Variants in PDE1A observed in about 807,000 individuals in gnomAD.
The protein encoded by PDE1A is phosphodiesterase 1A.
A neutral mutation model predicts 61.7 loss-of-function variants in PDE1A; 35 were observed. The observed-to-expected ratio is 0.57, with a 90% CI of 0.43 to 0.75. The LOEUF is 0.75. Ranked by LOEUF, PDE1A falls within the 30% of genes least tolerant of loss-of-function variation. PDE1A has a pLI of 0.00. For synonymous variants in PDE1A, 232 were observed against 213.2 expected, an observed-to-expected ratio of 1.09 and a Z score of -0.77; for missense variants, 597 against 630.6, an observed-to-expected ratio of 0.95 and a Z score of 0.57.
At chr2:182,405,417 T>C (rs1702246320) in intron 1 of PDE1A, among the ~76,000 whole-genome samples, 2 of 152,206 alleles carry the variant, frequency 1.3e-5, no homozygotes, top group Non-Finnish European at 2.9e-5. Flanking sequence ...CAATGCTAAG[T>C]TCTGAATAGG....
At chr2:182,451,378 C>CAAAAAAAAAAAAAAAA (rs1219608685) in intron 2 of PDE1A, among the ~76,000 whole-genome samples, 19 of 12,260 alleles carry the variant, frequency 1.5e-3, no homozygotes, top group African/African-American at 4.3e-3. Context: ...GACTCCGTCT[C>CAAAAAAAAAAAAAAAA]AAAAAAAAAA....
the PDE1A span, among the ~76,000 whole-genome samples, chr2:182,704,947 A>C: frequency 6.6e-6 from 1 of 152,220 alleles, no homozygotes; most frequent in African/African-American, 2.4e-5. Flanking sequence ...AGATATATAC[A>C]CGTTTGTCCT....
the PDE1A span, among the ~76,000 whole-genome samples, chr2:182,558,852 T>C: frequency 6.6e-6 from 1 of 152,204 alleles, no homozygotes; most frequent in Non-Finnish European, 1.5e-5. Context: ...GGGAAAGAAA[T>C]GTCTGCAGAT....
chr2:182,485,946 A>G (rs1314451304), intron 2 of PDE1A, among the ~76,000 whole-genome samples: 1 of 152,008 alleles, frequency 6.6e-6, no homozygotes, highest in Non-Finnish European at 1.5e-5. Flanking sequence ...TCAAACTGGA[A>G]GGTCTACCCA....
the PDE1A span, among the ~76,000 whole-genome samples, chr2:182,698,890 T>A: frequency 6.6e-6 from 1 of 152,220 alleles, no homozygotes; most frequent in Non-Finnish European, 1.5e-5. Context: ...TGATTTCATC[T>A]CTAAATGCAC....
intron 1 of PDE1A, among the ~76,000 whole-genome samples, chr2:182,383,254 C>T (rs1700836582): frequency 6.6e-6 from 1 of 152,184 alleles, no homozygotes. Context: ...TTGCAACCTT[C>T]TCTTGCTGTG....
chr2:182,578,479 A>T, the PDE1A span, among the ~76,000 whole-genome samples: 1 of 152,220 alleles, frequency 6.6e-6, no homozygotes, highest in South Asian at 2.1e-4. Context: ...TAAAGTTTTG[A>T]ATAATGTGAC....
At chr2:182,681,592 C>A in the PDE1A span, among the ~76,000 whole-genome samples, 1 of 139,090 alleles carries the variant, frequency 7.2e-6, no homozygotes, top group East Asian at 2.1e-4. Flanking sequence ...AAAAAAAAAA[C>A]AGTTATTCAG....
chr2:182,384,916 C>T (rs966390047), intron 1 of PDE1A, among the ~76,000 whole-genome samples: 2 of 151,976 alleles, frequency 1.3e-5, no homozygotes, highest in African/African-American at 2.4e-5. Flanking sequence ...AGACTGAAAG[C>T]AGCAAGAGAA....
intron 4 of PDE1A, among the ~76,000 whole-genome samples, chr2:182,233,775 CCACACACA>C (rs4018725): frequency 0.3 from 44,196 of 146,986 alleles, 6,782 homozygotes; most frequent in East Asian, 0.56. Flanking sequence ...CACATGAACA[CCACACACA>C]CACACACACA....
chr2:182,166,291 G>A (rs1332746597), downstream of PDE1A, among the ~76,000 whole-genome samples: 1 of 152,096 alleles, frequency 6.6e-6, no homozygotes, highest in Non-Finnish European at 1.5e-5. Context: ...GAATATGGGC[G>A]GGCACCATCC....
chr2:182,263,359 T>C (rs922279134), intron 2 of PDE1A, among the ~76,000 whole-genome samples: 3 of 152,134 alleles, frequency 2.0e-5, no homozygotes, highest in African/African-American at 4.8e-5. Context: ...TTTGAATATA[T>C]ATATTTTCTA....
intron 4 of PDE1A, among the ~76,000 whole-genome samples, chr2:182,232,365 A>C (rs1275116153): frequency 6.6e-6 from 1 of 152,340 alleles, no homozygotes; most frequent in African/African-American, 2.4e-5. Flanking sequence ...TAAGTGGGCA[A>C]CCATAAAGCT....
the PDE1A span, among the ~76,000 whole-genome samples, chr2:182,539,183 T>C: frequency 1.3e-5 from 2 of 152,164 alleles, no homozygotes; most frequent in Non-Finnish European, 2.9e-5. Context: ...TTCATAGAGA[T>C]AGGGTTTCAC....
the PDE1A span, among the ~76,000 whole-genome samples, chr2:182,557,390 A>G: frequency 6.6e-6 from 1 of 152,076 alleles, no homozygotes; most frequent in African/African-American, 2.4e-5. Context: ...TATTTCGGCA[A>G]TCACTGTTTA....
intron 2 of PDE1A, among the ~76,000 whole-genome samples, chr2:182,501,966 T>C (rs1169411621): frequency 1.3e-5 from 2 of 152,104 alleles, no homozygotes; most frequent in Non-Finnish European, 2.9e-5. Context: ...ACAGCTGAAC[T>C]GAACGTAACA....
At chr2:182,168,219 C>T (rs1260340871) in exon 14 of PDE1A, 2 of 1,572,706 alleles carry the variant, frequency 1.3e-6, no homozygotes, top group East Asian at 4.6e-5. Context: ...AGAGCTGCCA[C>T]CATGCACGAG....
At chr2:182,576,264 G>T in the PDE1A span, among the ~76,000 whole-genome samples, 2 of 151,858 alleles carry the variant, frequency 1.3e-5, no homozygotes, top group African/African-American at 4.8e-5. Context: ...TCTACTTTAC[G>T]TCTCTATGAA....
the PDE1A span, among the ~76,000 whole-genome samples, chr2:182,565,410 G>A: frequency 2.0e-5 from 3 of 152,128 alleles, no homozygotes; most frequent in Non-Finnish European, 4.4e-5. Context: ...TTGTTCCTCT[G>A]GAAGTTTTGT....
Sources: gnomAD v4.1 joint callset for allele counts (sites outside exome capture counted in the v4.1 genomes callset) on GRCh38, gnomAD v4.1.1 for gene constraint, MANE v1.5 for transcripts, NCBI Gene and HGNC (gene_info 2026-07-23, HGNC 2026-07-21) for gene names.